ALK: variants seen among roughly 807,000 people sequenced by gnomAD.
The protein encoded by ALK is ALK tyrosine kinase receptor.
ALK carries 74 observed loss-of-function variants against 163.1 expected under a neutral mutation model. The ratio of observed to expected loss-of-function variants is 0.45; its 90% confidence interval spans 0.38 to 0.55. The LOEUF is 0.55. Among genes scored for constraint, ALK ranks in the 20% least tolerant of loss-of-function variants. ALK has a pLI of 0.00. For missense variants in ALK, 2,063 were observed against 2,105.3 expected, an observed-to-expected ratio of 0.98 and a Z score of 0.39; for synonymous variants, 960 against 843.2, an observed-to-expected ratio of 1.14 and a Z score of -2.40.
chr2:29,263,822 T>TA (rs1665147284), intron 11 of ALK, among the ~76,000 whole-genome samples: 5 of 152,184 alleles, frequency 3.3e-5, no homozygotes. Flanking sequence ...ATAATGACAG[T>TA]AGTCACTTCT....
Position 29,599,323 on chromosome 2 carries a change from T to A in ALK, c.953-67207A>T, listed in dbSNP as rs148911646. On this transcript the variant is annotated intron_variant, in intron 3 of 28. Coordinates refer to ENST00000389048, the MANE Select transcript of ALK (RefSeq NM_004304.5). ...AATAAAAATGTGAGCTCTTAAGTAC[T>A]TTTTAATGTTTCAAAGTCAACGAGG... Among the ~76,000 whole-genome samples the A allele has an allele frequency of 9.1e-4, 138 of 152,358 alleles. 1 individual carries two copies. Among genetic ancestry groups the A allele is most frequent in the Admixed American group, 7.8e-3 (120 of 15,302 alleles).
chr2:29,533,075 G>C (rs1248429835), intron 3 of ALK, among the ~76,000 whole-genome samples: 1 of 152,200 alleles, frequency 6.6e-6, no homozygotes, highest in Non-Finnish European at 1.5e-5. Context: ...TTACTCAAAA[G>C]GAAGGTGTTG....
At chr2:29,657,956 G>T (rs889819810) in intron 3 of ALK, among the ~76,000 whole-genome samples, 1 of 152,102 alleles carries the variant, frequency 6.6e-6, no homozygotes, top group Non-Finnish European at 1.5e-5. Context: ...TCACTTGCTG[G>T]ACTGAGCATC....
At position 29,885,427 on chromosome 2, in the gene ALK, T is replaced by C. The variant is rs188792225; in HGVS notation, c.667+34566A>G. Among the ~76,000 whole-genome samples the C allele has an allele frequency of 2.0e-5, 3 of 152,280 alleles. No homozygotes were observed. In the East Asian group the frequency reaches 5.8e-4, roughly 29 times the overall value. Reference sequence around the variant, plus strand: ...TACACCATTGAATATGCCACTGTTGTTATAGAAAACGTTGTGAAAGTCATC... The same window carrying C: ...TACACCATTGAATATGCCACTGTTGCTATAGAAAACGTTGTGAAAGTCATC... On this transcript the variant is annotated intron_variant, in intron 1 of 28. Transcript: ENST00000389048.
In ALK at chr2:29,251,179, C is replaced by T. The variant is rs370001834; in HGVS notation, c.2130G>A (p.Leu710=). ...GGCCCTCGCTCCCCACCTCCACGCT[C>T]AGGTTGGAGTTCTGGTAGGCGTTGT... ...QCNNAYQNSN[L]SVEVGSEGPL... The change falls in exon 12 of 29, where the codon CTG becomes CTA. Residue 710 remains leucine, a synonymous_variant. Coordinates refer to ENST00000389048, the MANE Select transcript of ALK (RefSeq NM_004304.5). 1.1e-5 allele frequency: 17 copies of T among 1,614,056 alleles called. No individual in the cohort carries two copies. The highest frequency in any genetic ancestry group is 1.4e-5 in the Non-Finnish European group (17 of 1,180,024).
rs2148443756 is a variant in ALK, at chr2:29,920,491, C to G, written c.169G>C (p.Asp57His). The G allele has an allele frequency of 6.2e-7, 1 of 1,613,112 alleles. No individual in the cohort carries two copies. The highest frequency in any genetic ancestry group is 1.1e-5 in the South Asian group (1 of 91,006). ...SRLQRKSLAV[D>H]FVVPSLFRVY... is the part of the protein sequence containing the mutation. ...CGGAAGAGCGAGGGCACCACGAAGT[C>G]AACTGCCAGACTCTTCCTCTGCAGG... The change falls in exon 1 of 29, where the codon GAC becomes CAC. Residue 57 changes from aspartate to histidine, a missense_variant. Asp to His is a moderately conservative substitution (Grantham distance 81, BLOSUM62 -1). Coordinates refer to ENST00000389048, the MANE Select transcript of ALK (RefSeq NM_004304.5).
chr2:29,702,463 G>C (rs769011530), intron 2 of ALK, among the ~76,000 whole-genome samples: 4 of 152,138 alleles, frequency 2.6e-5, no homozygotes, highest in Non-Finnish European at 5.9e-5. Context: ...CCCTAGGTGA[G>C]GACTGAGTCA....
intron 1 of ALK, among the ~76,000 whole-genome samples, chr2:29,900,823 G>A (rs549728438): frequency 6.6e-6 from 1 of 152,160 alleles, no homozygotes; most frequent in Non-Finnish European, 1.5e-5. Context: ...ATCCCACTAT[G>A]AGAGGTAGAG....
intron 4 of ALK, among the ~76,000 whole-genome samples, chr2:29,433,781 C>T (rs1368448280): frequency 6.6e-6 from 1 of 151,930 alleles, no homozygotes; most frequent in Non-Finnish European, 1.5e-5. Flanking sequence ...AAAATGGAAT[C>T]TATGGGTATG....
intron 3 of ALK, among the ~76,000 whole-genome samples, chr2:29,543,703 C>T (rs539954349): frequency 1.2e-4 from 18 of 152,296 alleles, no homozygotes; most frequent in Admixed American, 7.8e-4. Context: ...GCAGATAGGA[C>T]ACCTCCTCTA....
chr2:29,463,893 C>T (rs1256366019), intron 4 of ALK, among the ~76,000 whole-genome samples: 1 of 152,164 alleles, frequency 6.6e-6, no homozygotes, highest in African/African-American at 2.4e-5. Context: ...TGTGTCCCAA[C>T]CAGCCAAAGT....
intron 4 of ALK, among the ~76,000 whole-genome samples, chr2:29,408,241 C>A (rs1238703768): frequency 2.6e-5 from 4 of 151,752 alleles, no homozygotes; most frequent in Admixed American, 2.6e-4. Context: ...TGCCACCACA[C>A]CTGGCTATTT....
At chr2:29,583,927 T>C (rs1397559073) in intron 3 of ALK, among the ~76,000 whole-genome samples, 1 of 151,930 alleles carries the variant, frequency 6.6e-6, no homozygotes, top group Non-Finnish European at 1.5e-5. Context: ...TCTGTGTCTA[T>C]CAACAGTCAC....
intron 3 of ALK, among the ~76,000 whole-genome samples, chr2:29,542,356 CT>C (rs1673435127): frequency 6.6e-6 from 1 of 152,126 alleles, no homozygotes; most frequent in South Asian, 2.1e-4. Context: ...CTGATTTCCT[CT>C]TTTAATTTGT....
chr2:29,301,764 G>A (rs1490973142), intron 8 of ALK, among the ~76,000 whole-genome samples: 5 of 152,352 alleles, frequency 3.3e-5, no homozygotes, highest in African/African-American at 1.2e-4. Context: ...GCCAGCAGCT[G>A]AGCTCTCTCC....
chr2:29,770,619 A>T (rs1381250801), intron 1 of ALK, among the ~76,000 whole-genome samples: 1 of 152,254 alleles, frequency 6.6e-6, no homozygotes, highest in African/African-American at 2.4e-5. Context: ...TTAAAAGAAG[A>T]TAAATTACAT....
intron 4 of ALK, among the ~76,000 whole-genome samples, chr2:29,492,768 C>T (rs1671933006): frequency 6.6e-6 from 1 of 152,188 alleles, no homozygotes; most frequent in South Asian, 2.1e-4. Context: ...GGCTTTCCAG[C>T]TATGCAGATG....
chr2:29,249,788 G>C (rs971817318), intron 12 of ALK, among the ~76,000 whole-genome samples: 24 of 152,314 alleles, frequency 1.6e-4, no homozygotes, highest in African/African-American at 5.8e-4. Context: ...TCAGCAGGAA[G>C]GGGAGGTCTG....
At chr2:29,293,714 C>A (rs1202194152) in intron 9 of ALK, among the ~76,000 whole-genome samples, 1 of 152,138 alleles carries the variant, frequency 6.6e-6, no homozygotes, top group Non-Finnish European at 1.5e-5. Flanking sequence ...GTTTAAGAAG[C>A]AGCTGGTGAA....
Sources: gnomAD v4.1 joint callset for allele counts (sites outside exome capture counted in the v4.1 genomes callset) on GRCh38, gnomAD v4.1.1 for gene constraint, MANE v1.5 for transcripts, NCBI Gene and HGNC (gene_info 2026-07-23, HGNC 2026-07-21) for gene names.